ANKFN1: variants seen among roughly 807,000 people sequenced by gnomAD.
ANKFN1 encodes ankyrin repeat and fibronectin type III domain containing 1, also known as ankyrin repeat and fibronectin type-III domain-containing protein 1.
A neutral mutation model predicts 108.7 loss-of-function variants in ANKFN1; 74 were observed. The ratio of observed to expected loss-of-function variants is 0.68; its 90% confidence interval spans 0.56 to 0.83. The LOEUF (loss-of-function observed/expected upper bound fraction) is 0.83, where lower values mean the gene tolerates loss of function less well. ANKFN1 is among the 40% of genes least tolerant of loss of function. The probability of loss-of-function intolerance (pLI) is 0.00; values close to 1 mark genes in which losing one functional copy is unlikely to be tolerated. For synonymous variants in ANKFN1, 547 were observed against 516.2 expected (o/e 1.06, Z -0.81); for missense variants, 1,505 against 1,382.3 (o/e 1.09, Z -1.41).
rs1916252188 is a variant in ANKFN1, at chr17:56,226,170, GT to G, written c.13-1745del. The stretch of plus-strand genomic sequence containing the variant: ...AGGTTGTGATCAGAACAGTGTTCCA[GT>G]TAGTGCCACATGTGAGATCTTGTTG... On this transcript the variant is annotated intron_variant, in intron 2 of 20. Transcript: ENST00000682825. Among the ~76,000 whole-genome samples the G allele has an allele frequency of 2.6e-5, 4 of 152,224 alleles. No individual in the cohort carries two copies. In the East Asian group the frequency reaches 7.7e-4, roughly 29 times the overall value.
chr17:56,412,607 C>T (rs1054636169), intron 8 of ANKFN1, among the ~76,000 whole-genome samples: 5 of 152,216 alleles, frequency 3.3e-5, no homozygotes, highest in African/African-American at 1.2e-4. Context: ...ATGTCAGATG[C>T]TTCTTGCCCT....
Position 56,467,743 on chromosome 17 carries a change from C to CAAAG in ANKFN1, c.1773+1219_1773+1222dup, listed in dbSNP as rs759980897. On this transcript the variant is annotated intron_variant, in intron 15 of 20. Coordinates refer to ENST00000682825, the MANE Select transcript of ANKFN1 (RefSeq NM_001370326.1). ...AGAAAGAAAGAGAGAAAGAAAGAAA[C>CAAAG]AAAGAAAGAAAGAAAGAAAGAAAGA... Among the ~76,000 whole-genome samples the CAAAG allele has an allele frequency of 9.8e-3, 710 of 72,548 alleles. 7 individuals are homozygous for CAAAG. The highest frequency in any genetic ancestry group is 0.019 in the South Asian group (39 of 2,044). The allele number at this position is 72,548 out of a possible 152,430, so 47.6% of individuals were successfully genotyped here. A position where few individuals can be genotyped will look rare whatever the true frequency, so the allele number is the denominator to read the frequency against.
chr17:56,091,481 T>C (rs1045770232), intron 4 of ANKFN1, among the ~76,000 whole-genome samples: 1 of 148,520 alleles, frequency 6.7e-6, no homozygotes, highest in African/African-American at 2.5e-5. Flanking sequence ...TTCTCAACAT[T>C]CTTTTCACTG....
chr17:56,317,461 G>A (rs2045241466), intron 3 of ANKFN1, among the ~76,000 whole-genome samples: 1 of 152,148 alleles, frequency 6.6e-6, no homozygotes, highest in Admixed American at 6.6e-5. Context: ...AAAGCCCATT[G>A]TGAAATGTTT....
intron 8 of ANKFN1, among the ~76,000 whole-genome samples, chr17:56,412,702 C>T (rs147441895): frequency 0.025 from 3,878 of 152,274 alleles, 86 homozygotes; most frequent in Non-Finnish European, 0.035. Flanking sequence ...TCTTTGGCCA[C>T]GAACTGAAGG....
chr17:56,234,677 T>A (rs375827067), intron 3 of ANKFN1, among the ~76,000 whole-genome samples: 65 of 152,290 alleles, frequency 4.3e-4, no homozygotes, highest in African/African-American at 1.4e-3. Context: ...ACAAAAGACA[T>A]CATCTCATTC....
intron 8 of ANKFN1, among the ~76,000 whole-genome samples, chr17:56,410,747 A>G (rs943300215): frequency 6.6e-6 from 1 of 151,572 alleles, no homozygotes; most frequent in Non-Finnish European, 1.5e-5. Flanking sequence ...CCACCTTTCT[A>G]CTCTGCTTCA....
In ANKFN1 at chr17:56,290,653, A is replaced by T. The variant is rs2044337056; in HGVS notation, c.54-35568A>T. On this transcript the variant is annotated intron_variant, in intron 3 of 20. Transcript: ENST00000682825. ...CAGTGAAGAGTTGAGTCTATTTGGT[A>T]CTGTAAATAAGGATATCTCAGAAAT... 2.0e-5 allele frequency among the ~76,000 whole-genome samples: 3 copies of T among 152,174 alleles called. No individual in the cohort carries two copies. The South Asian group carries it at 6.2e-4, about 32-fold the overall frequency.
chr17:56,079,637 C>G (rs1344657658), intron 4 of ANKFN1, among the ~76,000 whole-genome samples: 5 of 152,004 alleles, frequency 3.3e-5, no homozygotes, highest in African/African-American at 9.7e-5. Flanking sequence ...CAGGACTGGG[C>G]TGGATAAAGA....
chr17:56,461,976 G>T (rs138685911), intron 14 of ANKFN1: 3 of 152,324 alleles, frequency 2.0e-5, no homozygotes, highest in African/African-American at 7.2e-5. Flanking sequence ...GAGCCTCATA[G>T]TCTTCAATAA....
chr17:56,491,962 C>A (rs1260865160), intron 18 of ANKFN1, among the ~76,000 whole-genome samples: 2 of 152,166 alleles, frequency 1.3e-5, no homozygotes, highest in Non-Finnish European at 2.9e-5. Context: ...CCCCACTTCC[C>A]CATACCTTAC....
At chr17:56,129,365 C>G (rs1474258644) in intron 4 of ANKFN1, among the ~76,000 whole-genome samples, 1 of 152,048 alleles carries the variant, frequency 6.6e-6, no homozygotes, top group Non-Finnish European at 1.5e-5. Flanking sequence ...CACTGGTACT[C>G]TTTTGGAGGA....
At chr17:56,318,247 G>GT (rs1289553947) in intron 3 of ANKFN1, among the ~76,000 whole-genome samples, 3 of 152,006 alleles carry the variant, frequency 2.0e-5, no homozygotes, top group Non-Finnish European at 4.4e-5. Flanking sequence ...TCTGGGGGGG[G>GT]TGTGCTGGCC....
At chr17:56,380,824 T>C (rs916171627) in intron 8 of ANKFN1, among the ~76,000 whole-genome samples, 1 of 152,236 alleles carries the variant, frequency 6.6e-6, no homozygotes, top group Admixed American at 6.5e-5. Flanking sequence ...CAAGGAGGCC[T>C]GCCTGCCTCT....
rs139377872 is a variant in ANKFN1, at chr17:56,403,416, TTC to T, written c.910+28703_910+28704del. 4.8e-3 allele frequency among the ~76,000 whole-genome samples: 733 copies of T among 152,294 alleles called. 17 individuals carry two copies. In the East Asian group the frequency reaches 0.057, roughly 12 times the overall value. ...CATATATGTTTAGGATTGTGATATT[TTC>T]CTGTTGGACAAGGTCTTTTACCATT... On this transcript the variant is annotated intron_variant, in intron 8 of 20. Transcript: ENST00000682825.
At chr17:56,067,901 G>A (rs1259373302) in intron 4 of ANKFN1, among the ~76,000 whole-genome samples, 1 of 152,130 alleles carries the variant, frequency 6.6e-6, no homozygotes, top group Non-Finnish European at 1.5e-5. Flanking sequence ...GAGATGCAAG[G>A]CATTGGAATG....
At chr17:56,311,699 C>A (rs1011135830) in intron 3 of ANKFN1, among the ~76,000 whole-genome samples, 1 of 152,150 alleles carries the variant, frequency 6.6e-6, no homozygotes, top group East Asian at 1.9e-4. Flanking sequence ...TTGCTTCATG[C>A]ACAAAATTAG....
At chr17:56,494,748 T>G (rs903762064) in intron 19 of ANKFN1, among the ~76,000 whole-genome samples, 5 of 152,126 alleles carry the variant, frequency 3.3e-5, no homozygotes, top group Non-Finnish European at 7.4e-5. Context: ...GTTTTATGAC[T>G]TAACAACCAG....
chr17:56,502,919 G>A (rs542127491), intron 20 of ANKFN1, among the ~76,000 whole-genome samples: 7 of 152,272 alleles, frequency 4.6e-5, no homozygotes, highest in Admixed American at 6.5e-5. Context: ...GAACTCTTTC[G>A]CTTACTTCCC....
Sources: gnomAD v4.1 joint callset for allele counts (sites outside exome capture counted in the v4.1 genomes callset) on GRCh38, gnomAD v4.1.1 for gene constraint, MANE v1.5 for transcripts, NCBI Gene and HGNC (gene_info 2026-07-23, HGNC 2026-07-21) for gene names.